Variants in ARB2A observed in about 807,000 individuals in gnomAD.
ARB2A encodes the protein cotranscriptional regulator ARB2A.
chr5:94,048,575 T>G, the ARB2A span, among the ~76,000 whole-genome samples: 1 of 152,160 alleles, frequency 6.6e-6, no homozygotes, highest in African/African-American at 2.4e-5. Context: ...GCAGGCAGCA[T>G]GAGCTTCATG....
chr5:94,050,671 C>A, the ARB2A span: 2 of 1,313,562 alleles, frequency 1.5e-6, no homozygotes, highest in African/African-American at 3.0e-5. Context: ...ATCTTCAAAA[C>A]TTTTATTCTG....
At chr5:93,763,622 A>C in the ARB2A span, among the ~76,000 whole-genome samples, 1 of 152,212 alleles carries the variant, frequency 6.6e-6, no homozygotes, top group African/African-American at 2.4e-5. Flanking sequence ...CCCACTGTCA[A>C]CATTAGACAG....
the ARB2A span, chr5:93,741,557 C>T: frequency 3.9e-6 from 6 of 1,557,660 alleles, no homozygotes; most frequent in Middle Eastern, 2.0e-4. Context: ...GGCCTGTGTC[C>T]GGCCATGGGT....
At chr5:94,010,474 G>C in the ARB2A span, among the ~76,000 whole-genome samples, 3 of 151,956 alleles carry the variant, frequency 2.0e-5, no homozygotes, top group Non-Finnish European at 4.4e-5. Context: ...CATTGTAAAA[G>C]TGGAGAACTT....
At chr5:93,621,232 C>T in the ARB2A span, 1 of 942,592 alleles carries the variant, frequency 1.1e-6, no homozygotes. Flanking sequence ...CACCCGGTCC[C>T]GCCCCTCCCC....
the ARB2A span, among the ~76,000 whole-genome samples, chr5:93,727,466 A>T: frequency 8.6e-5 from 13 of 152,036 alleles, no homozygotes; most frequent in Non-Finnish European, 5.9e-5. Flanking sequence ...GTTACAAATA[A>T]CTCAAAAACC....
the ARB2A span, among the ~76,000 whole-genome samples, chr5:94,077,469 GCT>G: frequency 1.3e-5 from 2 of 152,074 alleles, no homozygotes; most frequent in African/African-American, 2.4e-5. Context: ...TTTGTCTGTT[GCT>G]CTCTTAACAT....
chr5:93,807,345 GACT>G, the ARB2A span, among the ~76,000 whole-genome samples: 1 of 151,886 alleles, frequency 6.6e-6, no homozygotes, highest in African/African-American at 2.4e-5. Context: ...CCAAGTAACA[GACT>G]ACTATTTTAT....
At chr5:93,666,975 T>C in the ARB2A span, among the ~76,000 whole-genome samples, 5 of 152,332 alleles carry the variant, frequency 3.3e-5, no homozygotes, top group Admixed American at 3.3e-4. Flanking sequence ...AAATTTAAAA[T>C]TTTTATTCCT....
At chr5:94,058,473 T>A in the ARB2A span, among the ~76,000 whole-genome samples, 1,576 of 152,232 alleles carry the variant, frequency 0.01, 16 homozygotes, top group Non-Finnish European at 0.013. Context: ...ATGTGATCTG[T>A]ATGTTTGAAA....
chr5:93,924,482 C>G, the ARB2A span, among the ~76,000 whole-genome samples: 2 of 152,100 alleles, frequency 1.3e-5, no homozygotes, highest in East Asian at 3.9e-4. Context: ...CAGAGAATGG[C>G]AGAGAGAGTG....
At chr5:94,014,775 C>A in the ARB2A span, among the ~76,000 whole-genome samples, 9 of 150,916 alleles carry the variant, frequency 6.0e-5, no homozygotes, top group African/African-American at 2.2e-4. Context: ...TAGGGGCTAT[C>A]AACAGCAAAA....
At chr5:93,979,382 T>C in the ARB2A span, among the ~76,000 whole-genome samples, 122 of 152,264 alleles carry the variant, frequency 8.0e-4, no homozygotes, top group Non-Finnish European at 1.3e-3. Flanking sequence ...CACCATAATG[T>C]AGTGTTTCTA....
the ARB2A span, among the ~76,000 whole-genome samples, chr5:93,834,632 T>C: frequency 6.6e-6 from 1 of 152,130 alleles, no homozygotes; most frequent in Non-Finnish European, 1.5e-5. Flanking sequence ...AACATAGAAA[T>C]TAATAAACTT....
At chr5:94,028,908 A>G in the ARB2A span, among the ~76,000 whole-genome samples, 1 of 152,118 alleles carries the variant, frequency 6.6e-6, no homozygotes, top group Non-Finnish European at 1.5e-5. Flanking sequence ...ATTCTTTCCC[A>G]ATTGCCCCTA....
chr5:93,758,267 G>A, the ARB2A span, among the ~76,000 whole-genome samples: 1 of 151,854 alleles, frequency 6.6e-6, no homozygotes, highest in Admixed American at 6.6e-5. Flanking sequence ...ATAGACCTAA[G>A]AAATGAGATA....
At chr5:93,678,644 T>TAC in the ARB2A span, among the ~76,000 whole-genome samples, 2 of 151,746 alleles carry the variant, frequency 1.3e-5, no homozygotes, top group East Asian at 1.9e-4. Context: ...TAATCCCAGC[T>TAC]ACTAGGGAGG....
chr5:93,916,355 G>C, the ARB2A span, among the ~76,000 whole-genome samples: 1 of 152,170 alleles, frequency 6.6e-6, no homozygotes, highest in African/African-American at 2.4e-5. Context: ...CAAATAAAAA[G>C]CAAAGCTGCT....
chr5:94,049,780 C>A, the ARB2A span, among the ~76,000 whole-genome samples: 9 of 152,144 alleles, frequency 5.9e-5, no homozygotes, highest in Admixed American at 2.0e-4. Context: ...AAGATCGTGA[C>A]ACTGCACTCC....
Sources: gnomAD v4.1 joint callset for allele counts (sites outside exome capture counted in the v4.1 genomes callset) on GRCh38, gnomAD v4.1.1 for gene constraint, MANE v1.5 for transcripts, NCBI Gene and HGNC (gene_info 2026-07-23, HGNC 2026-07-21) for gene names.